Variants in ITPR1 observed in about 807,000 individuals in gnomAD.
ITPR1 encodes the protein inositol 1,4,5-trisphosphate receptor type 1.
A neutral mutation model predicts 318.4 loss-of-function variants in ITPR1; 96 were observed. The observed-to-expected ratio is 0.30, with a 90% CI of 0.26 to 0.36. The LOEUF is 0.36. Among genes scored for constraint, ITPR1 ranks in the 10% least tolerant of loss-of-function variants. The pLI is 1.00. For synonymous variants in ITPR1, 1,312 were observed against 1,289.9 expected (o/e 1.02, Z -0.37); for missense variants, 2,440 against 3,460.2 (o/e 0.71, Z 7.40).
intron 29 of ITPR1, 143 bp downstream of exon 29, chr3:4,684,489 T>G: frequency 1.6e-6 from 1 of 642,928 alleles, no homozygotes. Flanking sequence ...GCTCAGAGGT[T>G]AAGCTCATGG....
chr3:4,509,052 C>A lies in ITPR1; in HGVS notation c.-16-7424C>A, dbSNP rs114886028. Reference sequence around the variant, plus strand: ...CAAAAACGAATGTTTTCATTTCAGACTCATTCAGACATACAGAAAGTGAGC... The same window carrying A: ...CAAAAACGAATGTTTTCATTTCAGAATCATTCAGACATACAGAAAGTGAGC... On this transcript the variant is annotated intron_variant, in intron 2 of 61. Coordinates refer to ENST00000649015, the MANE Select transcript of ITPR1 (RefSeq NM_001378452.1). Among the ~76,000 whole-genome samples, 370 of 152,362 alleles carry A rather than the reference C, an allele frequency of 2.4e-3. 1 individual carries two copies. Among genetic ancestry groups the A allele is most frequent in the African/African-American group, 8.4e-3 (349 of 41,588 alleles).
At chr3:4,739,040 C>A (rs554432673) in intron 44 of ITPR1, among the ~76,000 whole-genome samples, 10 of 152,350 alleles carry the variant, frequency 6.6e-5, no homozygotes, top group African/African-American at 2.2e-4. Context: ...CTTGTCAGAG[C>A]CCCTTGGCCC....
At chr3:4,770,927 T>C (rs992033572) in intron 46 of ITPR1, among the ~76,000 whole-genome samples, 1 of 151,286 alleles carries the variant, frequency 6.6e-6, no homozygotes, top group African/African-American at 2.4e-5. Context: ...AAAGGGGGAG[T>C]GAGTGACCCA....
At chr3:4,806,401 T>A in intron 55 of ITPR1, 134 bp downstream of exon 55, 3 of 860,136 alleles carry the variant, frequency 3.5e-6, no homozygotes, top group Non-Finnish European at 5.5e-6. Context: ...GCTCCACAGT[T>A]GGCAGCCTTT....
At chr3:4,775,200 C>G in intron 46 of ITPR1, 42 bp from the exon 47 acceptor site, 2 of 1,399,128 alleles carry the variant, frequency 1.4e-6, no homozygotes, top group Non-Finnish European at 2.0e-6. Flanking sequence ...TCCCTCTTCC[C>G]TCTGCCTTTG....
intron 18 of ITPR1, 64 bp downstream of exon 18, chr3:4,667,613 G>T: frequency 1.4e-6 from 2 of 1,472,816 alleles, no homozygotes; most frequent in African/African-American, 1.4e-5. Flanking sequence ...GGACTTAGCT[G>T]GTGCTTTTTA....
In ITPR1 at chr3:4,691,529, C is replaced by G. The variant is rs17041208; in HGVS notation, c.4029+185C>G. Reference sequence around the variant, plus strand: ...TTAAGTTGTAGATATAGGCAAGAATCTGATCTGATATTTCATAGCAACCAA... The same window carrying G: ...TTAAGTTGTAGATATAGGCAAGAATGTGATCTGATATTTCATAGCAACCAA... On this transcript the variant is annotated intron_variant, in intron 32 of 61. Coordinates refer to ENST00000649015, the MANE Select transcript of ITPR1 (RefSeq NM_001378452.1). Among the ~76,000 whole-genome samples the G allele has an allele frequency of 0.057, 8,675 of 152,220 alleles. 855 individuals are homozygous for G. Among genetic ancestry groups the G allele is most frequent in the African/African-American group, 0.2 (8,200 of 41,498 alleles).
At chr3:4,739,665 T>C (rs13092274) in intron 44 of ITPR1, among the ~76,000 whole-genome samples, 109,526 of 152,114 alleles carry the variant, frequency 0.72, 39,801 homozygotes, top group East Asian at 1. Context: ...CCTGTAGTTA[T>C]CTGTCACTGA....
intron 4 of ITPR1, among the ~76,000 whole-genome samples, chr3:4,625,798 C>T (rs1263673540): frequency 6.6e-6 from 1 of 152,166 alleles, no homozygotes; most frequent in African/African-American, 2.4e-5. Context: ...ACCTCATGAT[C>T]CACCTGCCTT....
At chr3:4,546,448 G>A (rs1204605439) in intron 4 of ITPR1, among the ~76,000 whole-genome samples, 1 of 152,152 alleles carries the variant, frequency 6.6e-6, no homozygotes, top group East Asian at 1.9e-4. Context: ...TCTAGCCAGA[G>A]GTAGAGCCAA....
chr3:4,673,847 G>A (rs1335978451), intron 21 of ITPR1, among the ~76,000 whole-genome samples: 1 of 152,194 alleles, frequency 6.6e-6, no homozygotes, highest in Non-Finnish European at 1.5e-5. Flanking sequence ...CTCCCAAAGT[G>A]CTGGGATTAC....
intron 46 of ITPR1, among the ~76,000 whole-genome samples, chr3:4,773,991 G>A (rs1277896043): frequency 6.6e-6 from 1 of 152,100 alleles, no homozygotes; most frequent in Non-Finnish European, 1.5e-5. Context: ...AGGAATGTGT[G>A]GATATGTTCT....
chr3:4,592,894 G>A (rs1178925675), intron 4 of ITPR1, among the ~76,000 whole-genome samples: 1 of 152,156 alleles, frequency 6.6e-6, no homozygotes, highest in South Asian at 2.1e-4. Context: ...ACTCTGAGTG[G>A]TGGGAGACTG....
intron 12 of ITPR1, among the ~76,000 whole-genome samples, chr3:4,657,005 G>A (rs1334270520): frequency 1.3e-5 from 2 of 152,286 alleles, no homozygotes; most frequent in East Asian, 3.9e-4. Context: ...TGCTTTTTTA[G>A]TTTCTCAGGA....
At chr3:4,833,637 G>C (rs1385313234) in intron 60 of ITPR1, among the ~76,000 whole-genome samples, 1 of 152,176 alleles carries the variant, frequency 6.6e-6, no homozygotes, top group Non-Finnish European at 1.5e-5. Context: ...GCTTCCTTCT[G>C]TTTCCCTCTA....
chr3:4,809,296 T>C (rs981364879), intron 55 of ITPR1, among the ~76,000 whole-genome samples: 1 of 152,242 alleles, frequency 6.6e-6, no homozygotes, highest in Non-Finnish European at 1.5e-5. Flanking sequence ...GAGGCATGTA[T>C]AGAAGTGTTC....
intron 10 of ITPR1, among the ~76,000 whole-genome samples, chr3:4,650,098 A>G (rs11716699): frequency 6.6e-6 from 1 of 152,186 alleles, no homozygotes; most frequent in Non-Finnish European, 1.5e-5. Context: ...CATTGTATGG[A>G]TGTATCATAT....
chr3:4,566,023 T>C (rs748020446), intron 4 of ITPR1, among the ~76,000 whole-genome samples: 7 of 152,224 alleles, frequency 4.6e-5, no homozygotes, highest in Non-Finnish European at 1.0e-4. Flanking sequence ...TGGCCCCGTC[T>C]TGCTCATTGA....
At chr3:4,627,926 C>A in intron 5 of ITPR1, 48 bp downstream of exon 5, 1 of 1,150,490 alleles carries the variant, frequency 8.7e-7, no homozygotes, top group Non-Finnish European at 1.3e-6. Context: ...GAGTGGCTGC[C>A]TTGGTGGTAT....
Sources: gnomAD v4.1 joint callset for allele counts (sites outside exome capture counted in the v4.1 genomes callset) on GRCh38, gnomAD v4.1.1 for gene constraint, MANE v1.5 for transcripts, NCBI Gene and HGNC (gene_info 2026-07-23, HGNC 2026-07-21) for gene names.